NYAP2: variants seen among roughly 807,000 people sequenced by gnomAD.
NYAP2 encodes neuronal tyrosine-phosphorylated phosphoinositide-3-kinase adaptor 2.
NYAP2 carries 23 observed loss-of-function variants against 50.4 expected under a neutral mutation model. That is an observed-to-expected ratio of 0.46 (90% CI 0.33 to 0.65). The LOEUF is 0.65. Among genes scored for constraint, NYAP2 ranks in the 30% least tolerant of loss-of-function variants. The probability of loss-of-function intolerance (pLI) is 0.02; values close to 1 mark genes in which losing one functional copy is unlikely to be tolerated. For missense variants in NYAP2, 885 were observed against 861.0 expected, an observed-to-expected ratio of 1.03 and a Z score of -0.35; for synonymous variants, 394 against 365.2, an observed-to-expected ratio of 1.08 and a Z score of -0.90.
chr2:225,408,889 CT>C lies in NYAP2; in HGVS notation c.10del (p.Ser4ProfsTer3). 6.2e-7 allele frequency: 1 copy of C among 1,605,814 alleles called. No homozygotes were observed. The highest frequency in any genetic ancestry group is 8.5e-7 in the Non-Finnish European group (1 of 1,173,138). ...GCAGTGTTCCTCTTTACATGATATCCTCCAAGATGATGAGTTCTAATCCTGA... is the reference window on the plus strand; with the variant it reads ...GCAGTGTTCCTCTTTACATGATATCCCCAAGATGATGAGTTCTAATCCTGA... On this transcript the variant is annotated frameshift_variant, in exon 3 of 7. Coordinates refer to ENST00000636099, the Ensembl canonical transcript of NYAP2. LOFTEE classifies it high-confidence loss of function.
At chr2:225,660,281 C>A in the NYAP2 span, among the ~76,000 whole-genome samples, 1 of 152,122 alleles carries the variant, frequency 6.6e-6, no homozygotes, top group African/African-American at 2.4e-5. Flanking sequence ...TAGAAATTGG[C>A]TACAGGTAGC....
intron 4 of NYAP2, among the ~76,000 whole-genome samples, chr2:225,518,995 G>A (rs144252347): frequency 2.0e-5 from 3 of 152,104 alleles, no homozygotes; most frequent in African/African-American, 7.2e-5. Flanking sequence ...CGAAGCCTGG[G>A]CGACTGAGTG....
chr2:225,546,965 T>C (rs551384301), intron 4 of NYAP2, among the ~76,000 whole-genome samples: 24 of 151,938 alleles, frequency 1.6e-4, no homozygotes, highest in African/African-American at 5.3e-4. Flanking sequence ...AGGCCCAGAG[T>C]GTGTCTAGAA....
At chr2:225,496,053 A>T (rs1690499751) in intron 3 of NYAP2, among the ~76,000 whole-genome samples, 1 of 152,232 alleles carries the variant, frequency 6.6e-6, no homozygotes, top group Non-Finnish European at 1.5e-5. Flanking sequence ...TGATCACAAA[A>T]TTTAAGCTGC....
chr2:225,504,154 A>G (rs1690660610), intron 3 of NYAP2, among the ~76,000 whole-genome samples: 1 of 152,172 alleles, frequency 6.6e-6, no homozygotes, highest in Admixed American at 6.5e-5. Flanking sequence ...AATACCACAG[A>G]CATTTATTTC....
At chr2:225,679,286 C>A in the NYAP2 span, among the ~76,000 whole-genome samples, 23 of 151,984 alleles carry the variant, frequency 1.5e-4, no homozygotes, top group African/African-American at 5.3e-4. Context: ...TTAAAACTAA[C>A]CACTGAGATG....
chr2:225,505,310 T>G (rs1274823515), intron 3 of NYAP2, among the ~76,000 whole-genome samples: 2 of 152,120 alleles, frequency 1.3e-5, no homozygotes, highest in African/African-American at 4.8e-5. Flanking sequence ...ATTGAGGATA[T>G]GAAGTGGTGA....
chr2:225,648,660 A>T (rs1471953984), intron 6 of NYAP2, among the ~76,000 whole-genome samples: 1 of 152,216 alleles, frequency 6.6e-6, no homozygotes, highest in Non-Finnish European at 1.5e-5. Flanking sequence ...AGACTTTAGG[A>T]AAATGGAGGT....
At chr2:225,591,140 A>G (rs1393500000) in intron 5 of NYAP2, among the ~76,000 whole-genome samples, 2 of 152,096 alleles carry the variant, frequency 1.3e-5, no homozygotes, top group Non-Finnish European at 2.9e-5. Flanking sequence ...TGGAGCTGTG[A>G]CTCAGAACAA....
chr2:225,522,482 T>C (rs1316728519), intron 4 of NYAP2, among the ~76,000 whole-genome samples: 2 of 152,156 alleles, frequency 1.3e-5, no homozygotes, highest in Non-Finnish European at 2.9e-5. Flanking sequence ...GAATGTGTGG[T>C]TGAGCCAGAA....
At position 225,552,116 on chromosome 2, in the gene NYAP2, C is replaced by G. The variant is rs529158652; in HGVS notation, c.524-29825C>G. Among the ~76,000 whole-genome samples the G allele has an allele frequency of 2.0e-5, 3 of 152,200 alleles. No homozygotes were observed. In the South Asian group the frequency reaches 6.2e-4, roughly 32 times the overall value. On this transcript the variant is annotated intron_variant, in intron 4 of 6. Coordinates refer to ENST00000636099, the Ensembl canonical transcript of NYAP2. ...GTGCGAGCCACTGCACCTGGCACTT[C>G]TTTCTTTTTGATTCATTGTTCTTAT...
chr2:225,578,413 G>A (rs954480619), intron 4 of NYAP2, among the ~76,000 whole-genome samples: 7 of 152,178 alleles, frequency 4.6e-5, no homozygotes, highest in East Asian at 1.9e-4. Flanking sequence ...ACTAACTTCA[G>A]CTTGTGGGCT....
intron 4 of NYAP2, among the ~76,000 whole-genome samples, chr2:225,528,310 C>T (rs62188691): frequency 0.3 from 45,863 of 152,082 alleles, 7,087 homozygotes; most frequent in South Asian, 0.48. Flanking sequence ...TATCACAATA[C>T]ATTCTAAATA....
At chr2:225,464,109 T>C (rs755262389) in intron 3 of NYAP2, among the ~76,000 whole-genome samples, 21 of 152,170 alleles carry the variant, frequency 1.4e-4, no homozygotes, top group Non-Finnish European at 2.6e-4. Flanking sequence ...CCTGTCTTCC[T>C]AGCTGCTAGG....
rs1553557351 is a variant in NYAP2 at position 225,622,518 on chromosome 2, CTTCT to C, written c.1619-4360_1619-4357del. On this transcript the variant is annotated intron_variant, in intron 5 of 6. Coordinates refer to ENST00000636099, the Ensembl canonical transcript of NYAP2. ...TTTTATTTCTTTTCTTTCTTTCTTT[CTTCT>C]TTCTTTCTTTCTTTCTTTCTTTCTT... is the stretch of plus-strand genomic sequence containing the variant. 5.5e-4 allele frequency among the ~76,000 whole-genome samples: 39 copies of C among 70,422 alleles called. 1 individual carries two copies. The South Asian group carries it at 6.2e-3, about 11-fold the overall frequency. 46.2% of individuals were successfully genotyped at this position (70,422 alleles called of 152,430 possible).
chr2:225,662,274 ACCATGGACTAGTG>A, the NYAP2 span, among the ~76,000 whole-genome samples: 1 of 152,204 alleles, frequency 6.6e-6, no homozygotes, highest in Admixed American at 6.5e-5. Flanking sequence ...ATTTTTGTGG[ACCATGGACTAGTG>A]CCATGGGACA....
At chr2:225,626,850 T>G in intron 5 of NYAP2, 67 bp from the exon 6 acceptor site, 1 of 1,233,638 alleles carries the variant, frequency 8.1e-7, no homozygotes, top group Non-Finnish European at 1.2e-6. Flanking sequence ...TCACACTAAT[T>G]TTTTGAAAGT....
In NYAP2 at chr2:225,582,489, C is replaced by G; in HGVS notation, c.1072C>G (p.Leu358Val). 6.4e-7 allele frequency: 1 copy of G among 1,558,070 alleles called. No homozygotes were observed. Among genetic ancestry groups the G allele is most frequent in the Non-Finnish European group, 8.7e-7 (1 of 1,149,110 alleles). Residue 358 changes from leucine (L) to valine (V), a missense_variant, in exon 5 of 7, where the codon CTG (leucine) becomes GTG (valine). Leu to Val is a conservative substitution (Grantham distance 32). Coordinates refer to ENST00000636099, the Ensembl canonical transcript of NYAP2. This position sits in a 1 kb window ranked among gnomAD's most constrained non-coding sequence, Gnocchi z 7.0. ...CTCCGACGAGTCCCCGCTTACCCCT[C>G]TGGAGGTCACGAAGCTTCCCGTGCT...
chr2:225,404,728 A>G (rs1694912002), intron 2 of NYAP2, among the ~76,000 whole-genome samples: 1 of 151,980 alleles, frequency 6.6e-6, no homozygotes, highest in South Asian at 2.1e-4. Flanking sequence ...TGAACAATTA[A>G]CCATACAGCT....
Sources: allele counts gnomAD v4.1 joint callset (sites outside exome capture counted in the v4.1 genomes callset), GRCh38; gene constraint gnomAD v4.1.1; non-coding constraint Gnocchi (gnomAD v3.1); transcripts MANE v1.5; gene names NCBI Gene and HGNC (gene_info 2026-07-23, HGNC 2026-07-21).